The following SNX9 variants were observed in gnomAD, a reference collection of about 807,000 sequenced individuals.
The protein encoded by SNX9 is sorting nexin-9.
SNX9 carries 44 observed loss-of-function variants against 89.4 expected under a neutral mutation model. That is an observed-to-expected ratio of 0.49 (90% CI 0.39 to 0.63). The LOEUF (loss-of-function observed/expected upper bound fraction) is 0.63, where lower values mean the gene tolerates loss of function less well. Ranked by LOEUF, SNX9 falls within the 30% of genes least tolerant of loss-of-function variation. The probability of loss-of-function intolerance (pLI) is 0.00; values close to 1 mark genes in which losing one functional copy is unlikely to be tolerated. For synonymous variants in SNX9, 236 were observed against 247.8 expected (o/e 0.95, Z 0.45); for missense variants, 578 against 736.1 (o/e 0.79, Z 2.49).
chr6:157,885,234 A>G (rs1418653330), intron 4 of SNX9: 1 of 152,180 alleles, frequency 6.6e-6, no homozygotes, highest in Non-Finnish European at 1.5e-5. Context: ...GTAATTCCCA[A>G]TCAGTAATGT....
chr6:157,836,955 C>A (rs961758830), intron 1 of SNX9, among the ~76,000 whole-genome samples: 1 of 152,116 alleles, frequency 6.6e-6, no homozygotes, highest in Non-Finnish European at 1.5e-5. Context: ...ACCTAACTTC[C>A]AGAACCACTA....
chr6:157,873,241 C>A, intron 3 of SNX9, 65 bp downstream of exon 3: 4 of 1,366,598 alleles, frequency 2.9e-6, no homozygotes, highest in Non-Finnish European at 3.9e-6. Context: ...TATGAATTAT[C>A]AACTTACAAG....
chr6:157,843,265 G>A (rs1371698833), intron 1 of SNX9, among the ~76,000 whole-genome samples: 2 of 152,096 alleles, frequency 1.3e-5, no homozygotes, highest in Non-Finnish European at 2.9e-5. Flanking sequence ...TGGGGGTTAG[G>A]AGCACCGACC....
At chr6:157,905,210 A>G (rs1183471779) in intron 6 of SNX9, among the ~76,000 whole-genome samples, 2 of 152,166 alleles carry the variant, frequency 1.3e-5, no homozygotes, top group African/African-American at 4.8e-5. Flanking sequence ...ACTCAAGGGA[A>G]GTCAGCTGAG....
At chr6:157,892,128 AAGGAAAGGAC>A (rs1206219755) in intron 4 of SNX9, among the ~76,000 whole-genome samples, 1 of 152,112 alleles carries the variant, frequency 6.6e-6, no homozygotes, top group African/African-American at 2.4e-5. Flanking sequence ...GGAAAGGTGG[AAGGAAAGGAC>A]AGAGAGGCGC....
At chr6:157,849,465 G>A (rs1781866272) in intron 1 of SNX9, among the ~76,000 whole-genome samples, 1 of 152,206 alleles carries the variant, frequency 6.6e-6, no homozygotes, top group Admixed American at 6.5e-5. Flanking sequence ...AGTCAAGAGC[G>A]GCAATGCTTA....
chr6:157,866,351 A>T (rs1254284845), intron 1 of SNX9, among the ~76,000 whole-genome samples: 3 of 152,198 alleles, frequency 2.0e-5, no homozygotes, highest in African/African-American at 7.2e-5. Context: ...TGAGAGGAAG[A>T]TCTCTTGAGC....
chr6:157,844,587 G>GTTTTTTTGTTTTTTTTTTT lies in SNX9; in HGVS notation c.12+21148_12+21149insGTTTTTTTTTTTTTTTTTT, dbSNP rs1554291784. 2.5e-4 allele frequency among the ~76,000 whole-genome samples: 33 copies of GTTTTTTTGTTTTTTTTTTT among 130,292 alleles called. 1 individual carries two copies. Among genetic ancestry groups the GTTTTTTTGTTTTTTTTTTT allele is most frequent in the East Asian group, 8.9e-4 (4 of 4,482 alleles). The allele number at this position is 130,292 out of a possible 152,430, so 85.5% of individuals were successfully genotyped here. A position where few individuals can be genotyped will look rare whatever the true frequency, so the allele number is the denominator to read the frequency against. Reference sequence around the variant, plus strand: ...ATTTTTAATCTTGTGGCTAATCCTTGTTTTTTTTTTTTGTTTTTTTTTTTG... The same window carrying GTTTTTTTGTTTTTTTTTTT: ...ATTTTTAATCTTGTGGCTAATCCTTGTTTTTTTGTTTTTTTTTTTTTTTTTTTTTTTGTTTTTTTTTTTG... On this transcript the variant is annotated intron_variant, in intron 1 of 17. Coordinates refer to ENST00000392185, the MANE Select transcript of SNX9 (RefSeq NM_016224.5).
intron 3 of SNX9, 135 bp from the exon 4 acceptor site, chr6:157,874,916 G>A: frequency 3.3e-6 from 3 of 916,112 alleles, no homozygotes; most frequent in Non-Finnish European, 3.1e-6. Context: ...TGAGTATGCG[G>A]CAAAAGCAGT....
chr6:157,858,250 C>CTT (rs141525968), intron 1 of SNX9, among the ~76,000 whole-genome samples: 1 of 143,902 alleles, frequency 6.9e-6, no homozygotes, highest in Non-Finnish European at 1.5e-5. Context: ...TTTCTTTTTT[C>CTT]TTTTTTTTTT....
chr6:157,825,249 AAAAAG>A (rs1156367976), intron 1 of SNX9, among the ~76,000 whole-genome samples: 3 of 152,136 alleles, frequency 2.0e-5, no homozygotes, highest in African/African-American at 4.8e-5. Flanking sequence ...CTCCGTTTGA[AAAAAG>A]AAAAGACGAG....
intron 9 of SNX9, among the ~76,000 whole-genome samples, chr6:157,920,213 C>T (rs537295554): frequency 9.2e-5 from 14 of 152,292 alleles, no homozygotes; most frequent in African/African-American, 3.4e-4. Context: ...GTATGTACAG[C>T]CTCAGAGTTG....
In SNX9 at chr6:157,862,028, G is replaced by A. The variant is rs190573088; in HGVS notation, c.13-5519G>A. Among the ~76,000 whole-genome samples the A allele has an allele frequency of 7.9e-5, 12 of 152,304 alleles. No homozygotes were observed. In the East Asian group the frequency reaches 2.3e-3, roughly 29 times the overall value. On this transcript the variant is annotated intron_variant, in intron 1 of 17. Transcript: ENST00000392185. Reference sequence around the variant, plus strand: ...GGGATGATTCATGTCCTGAGTGGGAGAGTGTGAGATTGCATCATGCTACTC... The same window carrying A: ...GGGATGATTCATGTCCTGAGTGGGAAAGTGTGAGATTGCATCATGCTACTC...
chr6:157,866,918 C>CTGT (rs1010338640), intron 1 of SNX9, among the ~76,000 whole-genome samples: 3 of 152,020 alleles, frequency 2.0e-5, no homozygotes, highest in East Asian at 1.9e-4. Context: ...AGAAGATAGT[C>CTGT]TGTTGTTGTT....
intron 9 of SNX9, among the ~76,000 whole-genome samples, chr6:157,914,112 A>G (rs1429439033): frequency 6.6e-6 from 1 of 152,228 alleles, no homozygotes; most frequent in Admixed American, 6.5e-5. Flanking sequence ...CACCAGCAAT[A>G]TATGAGAGTA....
At chr6:157,828,773 C>T (rs1378785915) in intron 1 of SNX9, among the ~76,000 whole-genome samples, 1 of 152,142 alleles carries the variant, frequency 6.6e-6, no homozygotes, top group African/African-American at 2.4e-5. Flanking sequence ...CTACGCCTGG[C>T]CACATATTAG....
At chr6:157,913,259 A>G (rs1176439308) in intron 9 of SNX9, among the ~76,000 whole-genome samples, 3 of 147,652 alleles carry the variant, frequency 2.0e-5, no homozygotes, top group African/African-American at 8.1e-5. Context: ...TTAGGTAATA[A>G]AAGTTTTTTG....
At position 157,823,718 on chromosome 6, in the gene SNX9, A is replaced by C. The variant is rs921932415; in HGVS notation, c.12+272A>C. On this transcript the variant is annotated intron_variant, in intron 1 of 17. Coordinates refer to ENST00000392185, the MANE Select transcript of SNX9 (RefSeq NM_016224.5). This position sits in a 1 kb window ranked among gnomAD's most constrained non-coding sequence, Gnocchi z 4.6. ...ACCCCGGGCGCAGCGAGGTTTGGGA[A>C]GTTTGCACCTGAGCGTGGGCTGCGG... Among the ~76,000 whole-genome samples, 2 of 151,784 alleles carry C rather than the reference A, an allele frequency of 1.3e-5. No individual in the cohort carries two copies. Among genetic ancestry groups the C allele is most frequent in the African/African-American group, 4.8e-5 (2 of 41,468 alleles).
At chr6:157,901,761 C>CG (rs1392234321) in intron 5 of SNX9, 137 bp from the exon 6 acceptor site, 1 of 932,144 alleles carries the variant, frequency 1.1e-6, no homozygotes, top group Non-Finnish European at 1.6e-6. Flanking sequence ...TATTATACTC[C>CG]TATACTATAC....
Sources: allele counts gnomAD v4.1 joint callset (sites outside exome capture counted in the v4.1 genomes callset), GRCh38; gene constraint gnomAD v4.1.1; non-coding constraint Gnocchi (gnomAD v3.1); transcripts MANE v1.5; gene names NCBI Gene and HGNC (gene_info 2026-07-23, HGNC 2026-07-21).